ATP2C2: variants seen among roughly 807,000 people sequenced by gnomAD.
ATP2C2 encodes calcium-transporting ATPase type 2C member 2.
ATP2C2 carries 171 observed loss-of-function variants against 110.8 expected under a neutral mutation model. The ratio of observed to expected loss-of-function variants is 1.54; its 90% CI spans 1.36 to 1.75. ATP2C2 has a LOEUF of 1.75. ATP2C2 is among the 40% of genes most tolerant of loss of function. The probability of loss-of-function intolerance (pLI) is 0.00; values close to 1 mark genes in which losing one functional copy is unlikely to be tolerated. For synonymous variants in ATP2C2, 804 were observed against 508.4 expected, an observed-to-expected ratio of 1.58 and a Z score of -7.82; for missense variants, 1,963 against 1,235.0, an observed-to-expected ratio of 1.59 and a Z score of -8.84.
At chr16:84,461,885 G>T (rs957156061) in intron 25 of ATP2C2, 73 bp downstream of exon 25, 1 of 1,606,500 alleles carries the variant, frequency 6.2e-7, no homozygotes, top group Admixed American at 1.7e-5. Context: ...GACCCTGCCC[G>T]CAGCATTGAG....
At position 84,459,433 on chromosome 16, in the gene ATP2C2, G is replaced by T. The variant is rs369695980; in HGVS notation, c.2333+47G>T. ...GCCCTGTGTCTCTTTACCCACCTGC[G>T]GGGCTTCCTCCAGGGGCTGCTGGCT... On this transcript the variant is annotated intron_variant, in intron 23 of 26. Transcript: ENST00000262429. 2.1e-5 allele frequency: 34 copies of T among 1,604,684 alleles called. No individual in the cohort carries two copies. In the African/African-American group the frequency reaches 4.3e-4, roughly 20 times the overall value.
intron 1 of ATP2C2, among the ~76,000 whole-genome samples, chr16:84,381,364 T>C (rs192384391): frequency 6.6e-6 from 1 of 152,250 alleles, no homozygotes; most frequent in East Asian, 1.9e-4. Context: ...ACAGGGGATG[T>C]GATGGCTTGG....
chr16:84,446,840 C>G (rs144400541), intron 16 of ATP2C2, among the ~76,000 whole-genome samples: 2 of 152,294 alleles, frequency 1.3e-5, no homozygotes, highest in Non-Finnish European at 2.9e-5. Flanking sequence ...CTGCTAACAC[C>G]AGTCGCCAAC....
At chr16:84,455,043 C>T in intron 21 of ATP2C2, 59 bp downstream of exon 21, 2 of 1,597,112 alleles carry the variant, frequency 1.3e-6, no homozygotes, top group South Asian at 1.1e-5. Flanking sequence ...ACCAGCTTCT[C>T]CCTGGAACCT....
At chr16:84,373,481 C>T (rs1910077799) in intron 1 of ATP2C2, among the ~76,000 whole-genome samples, 1 of 149,482 alleles carries the variant, frequency 6.7e-6, no homozygotes, top group African/African-American at 2.4e-5. Context: ...GCCTGGGTGA[C>T]AGAGCGAGAC....
At chr16:84,376,859 C>T (rs570514134) in intron 1 of ATP2C2, among the ~76,000 whole-genome samples, 2 of 152,220 alleles carry the variant, frequency 1.3e-5, no homozygotes, top group Non-Finnish European at 2.9e-5. Context: ...GATCTCTGTG[C>T]AATTGCACTG....
At chr16:84,412,474 G>A (rs1291915612) in intron 6 of ATP2C2, among the ~76,000 whole-genome samples, 2 of 145,728 alleles carry the variant, frequency 1.4e-5, no homozygotes, top group African/African-American at 5.0e-5. Context: ...GTGTGTGTCT[G>A]TGCATGTGTA....
intron 21 of ATP2C2, among the ~76,000 whole-genome samples, chr16:84,458,740 G>A (rs969062376): frequency 2.0e-5 from 3 of 152,118 alleles, no homozygotes; most frequent in African/African-American, 4.8e-5. Flanking sequence ...TTTTTAGGCC[G>A]AACTGGTTTT....
At chr16:84,459,027 G>A in intron 21 of ATP2C2, 93 bp from the exon 22 acceptor site, 1 of 1,361,988 alleles carries the variant, frequency 7.3e-7, no homozygotes, top group African/African-American at 1.4e-5. Flanking sequence ...CATCAATCTG[G>A]GCGAGTCACC....
chr16:84,450,885 A>G (rs56369314), intron 17 of ATP2C2, among the ~76,000 whole-genome samples: 15,968 of 151,906 alleles, frequency 0.11, 1,019 homozygotes, highest in Non-Finnish European at 0.14. Context: ...GCACAGAGCA[A>G]ATGAGGGCAA....
intron 20 of ATP2C2, 99 bp downstream of exon 20, chr16:84,453,470 C>T: frequency 1.3e-6 from 2 of 1,493,328 alleles, no homozygotes; most frequent in Non-Finnish European, 1.9e-6. Context: ...CAGTGCAGGG[C>T]CCGACCGTGG....
In ATP2C2 at chr16:84,428,018, G is replaced by A. The variant is rs554445434; in HGVS notation, c.986+2217G>A. On this transcript the variant is annotated intron_variant, in intron 11 of 26. Transcript: ENST00000262429. ...GAATGCTGTTATTGAGAGGGTCCTCGGAGCCTTTCTAATTTATATATGAAG... is the reference window on the plus strand; with the variant it reads ...GAATGCTGTTATTGAGAGGGTCCTCAGAGCCTTTCTAATTTATATATGAAG... 1.3e-4 allele frequency among the ~76,000 whole-genome samples: 20 copies of A among 152,256 alleles called. No individual in the cohort carries two copies. In the South Asian group the frequency reaches 1.7e-3, roughly 13 times the overall value.
rs530746064 is a variant in ATP2C2, at chr16:84,421,927, G to A, written c.625-463G>A. ...GTATCTCCCTTCCCTTTGCCAGGGT[G>A]TGTGAGTGTCTCTGTGTCCCTGTCT... On this transcript the variant is annotated intron_variant, in intron 7 of 26. Transcript: ENST00000262429. Among the ~76,000 whole-genome samples the A allele has an allele frequency of 4.7e-4, 72 of 152,218 alleles. No individual in the cohort carries two copies. In the South Asian group the frequency reaches 0.015, roughly 31 times the overall value.
At chr16:84,400,473 C>T (rs1313826809) in intron 2 of ATP2C2, among the ~76,000 whole-genome samples, 2 of 152,032 alleles carry the variant, frequency 1.3e-5, no homozygotes, top group East Asian at 1.9e-4. Context: ...ACTACAGGCG[C>T]CTGCCACCAT....
At chr16:84,432,811 G>A (rs1034361350) in intron 11 of ATP2C2, among the ~76,000 whole-genome samples, 9 of 152,100 alleles carry the variant, frequency 5.9e-5, no homozygotes, top group African/African-American at 2.2e-4. Flanking sequence ...GTGAGCCACT[G>A]CGCCTGGCTG....
rs1907498795 is a variant in ATP2C2, at chr16:84,423,079, C to G, written c.844-109C>G. The G allele has an allele frequency of 6.8e-6, 6 of 876,906 alleles. No individual in the cohort carries two copies. The South Asian group carries it at 8.9e-5, about 13-fold the overall frequency. 54.3% of individuals were successfully genotyped at this position (876,906 alleles called of 1,614,324 possible). A position where few individuals can be genotyped will look rare whatever the true frequency, so the allele number is the denominator to read the frequency against. Reference sequence around the variant, plus strand: ...AATGAATGTTGACATATGTGTACCCCTGTGTAATCATCACTGAAGCTGTAG... The same window carrying G: ...AATGAATGTTGACATATGTGTACCCGTGTGTAATCATCACTGAAGCTGTAG... On this transcript the variant is annotated intron_variant, in intron 9 of 26. Coordinates refer to ENST00000262429, the MANE Select transcript of ATP2C2 (RefSeq NM_014861.4).
At chr16:84,423,885 A>G (rs952438555) in intron 10 of ATP2C2, among the ~76,000 whole-genome samples, 5 of 152,146 alleles carry the variant, frequency 3.3e-5, no homozygotes, top group African/African-American at 1.2e-4. Context: ...AACACAACAA[A>G]CAGCATTGAC....
intron 10 of ATP2C2, among the ~76,000 whole-genome samples, chr16:84,425,372 A>G (rs920958269): frequency 3.9e-5 from 6 of 152,220 alleles, no homozygotes; most frequent in African/African-American, 1.4e-4. Flanking sequence ...CTATCTGCCC[A>G]TCACAGGAGC....
Position 84,463,675 on chromosome 16 carries a change from ATGTGAAAAATAC to A in ATP2C2, c.2788_2799del (p.Glu930_Cys933del). 1.2e-6 allele frequency: 2 copies of A among 1,614,204 alleles called. No homozygotes were observed. The highest frequency in any genetic ancestry group is 1.7e-6 in the Non-Finnish European group (2 of 1,180,034). ...TCATTTTGTCAGAGCTCCTCAAACT[ATGTGAAAAATAC>A]TGTTGCAGCCCCAAGAGAGTCCAGA... On this transcript the variant is annotated inframe_deletion, in exon 27 of 27. Coordinates refer to ENST00000262429, the MANE Select transcript of ATP2C2 (RefSeq NM_014861.4).
Sources: allele counts gnomAD v4.1 joint callset (sites outside exome capture counted in the v4.1 genomes callset), GRCh38; gene constraint gnomAD v4.1.1; transcripts MANE v1.5; gene names NCBI Gene and HGNC (gene_info 2026-07-23, HGNC 2026-07-21).